FCHSD2: variants seen among roughly 807,000 people sequenced by gnomAD.
FCHSD2 encodes the protein FCH and double SH3 domains 2.
Under a neutral mutation model 108.1 loss-of-function variants are expected in FCHSD2, and 38 were observed. The observed-to-expected ratio is 0.35, with a 90% confidence interval of 0.27 to 0.46. The LOEUF is 0.46. Ranked by LOEUF, FCHSD2 falls within the 20% of genes least tolerant of loss-of-function variation. The probability of loss-of-function intolerance (pLI) is 1.00; values close to 1 mark genes in which losing one functional copy is unlikely to be tolerated. For synonymous variants in FCHSD2, 279 were observed against 314.7 expected (o/e 0.89, Z 1.20); for missense variants, 751 against 897.8 (o/e 0.84, Z 2.09).
intron 13 of FCHSD2, among the ~76,000 whole-genome samples, chr11:72,860,219 C>G (rs1013478647): frequency 6.6e-6 from 1 of 152,208 alleles, no homozygotes; most frequent in African/African-American, 2.4e-5. Context: ...TCCTAACAGG[C>G]CATGGACCGG....
intron 3 of FCHSD2, among the ~76,000 whole-genome samples, chr11:73,044,761 T>C (rs959291402): frequency 6.6e-6 from 1 of 152,184 alleles, no homozygotes; most frequent in African/African-American, 2.4e-5. Context: ...TAGCATGTTA[T>C]ATAAAAATCA....
At chr11:73,131,441 A>C (rs559400311) in intron 2 of FCHSD2, among the ~76,000 whole-genome samples, 5 of 152,170 alleles carry the variant, frequency 3.3e-5, no homozygotes, top group Admixed American at 1.3e-4. Context: ...AGGCAGGAGA[A>C]TGGCGTGAAA....
rs765459491 is a variant in FCHSD2 at position 72,840,966 on chromosome 11, G to C, written c.2057-7C>G. ...TCAGCATGAAGGCTTTTTTCTAAGG[G>C]AGAAAACCAAAGAAGCTCATTTTAC... On this transcript the variant is annotated splice_region_variant and splice_polypyrimidine_tract_variant and intron_variant, in intron 18 of 19. Transcript: ENST00000409418. The C allele has an allele frequency of 1.2e-6, 2 of 1,607,752 alleles. No homozygotes were observed. The highest frequency in any genetic ancestry group is 1.1e-5 in the South Asian group (1 of 90,892).
At chr11:72,901,872 TTTTGTTTG>T (rs570869962) in intron 10 of FCHSD2, among the ~76,000 whole-genome samples, 23 of 152,188 alleles carry the variant, frequency 1.5e-4, no homozygotes. Context: ...CTGGTTTTTT[TTTTGTTTG>T]TTTGTTTGTT....
chr11:72,982,772 G>A (rs187886815), intron 8 of FCHSD2, among the ~76,000 whole-genome samples: 136 of 152,232 alleles, frequency 8.9e-4, no homozygotes, highest in Admixed American at 2.4e-3. Flanking sequence ...TGTTTGTCCC[G>A]TACGCAGCTC....
At chr11:73,128,322 G>C (rs2135568149) in intron 2 of FCHSD2, among the ~76,000 whole-genome samples, 1 of 152,224 alleles carries the variant, frequency 6.6e-6, no homozygotes, top group South Asian at 2.1e-4. Flanking sequence ...GGAGTAAACT[G>C]GAAATGGGTC....
At chr11:72,925,184 G>A (rs1856052673) in intron 8 of FCHSD2, among the ~76,000 whole-genome samples, 1 of 152,134 alleles carries the variant, frequency 6.6e-6, no homozygotes, top group African/African-American at 2.4e-5. Flanking sequence ...GCAAGTGAGA[G>A]GGAGGAGAAA....
intron 13 of FCHSD2, among the ~76,000 whole-genome samples, chr11:72,864,562 C>T (rs945524050): frequency 1.3e-5 from 2 of 152,032 alleles, no homozygotes; most frequent in Non-Finnish European, 2.9e-5. Context: ...CAAAAATACA[C>T]ATTATGTTGT....
chr11:72,934,097 A>T (rs986463509), intron 8 of FCHSD2, among the ~76,000 whole-genome samples: 3 of 129,496 alleles, frequency 2.3e-5, no homozygotes, highest in Non-Finnish European at 4.8e-5. Flanking sequence ...CAACAGAGTA[A>T]GACACTGTCT....
intron 3 of FCHSD2, among the ~76,000 whole-genome samples, chr11:73,024,225 A>G (rs1437465461): frequency 6.6e-6 from 1 of 152,154 alleles, no homozygotes; most frequent in Non-Finnish European, 1.5e-5. Flanking sequence ...GACAAATCCA[A>G]TTGTATTACA....
At chr11:72,993,144 A>G (rs1379782207) in intron 5 of FCHSD2, among the ~76,000 whole-genome samples, 1 of 152,218 alleles carries the variant, frequency 6.6e-6, no homozygotes. Flanking sequence ...TGCAGCCAAC[A>G]GACACATGAA....
At chr11:73,132,903 T>C (rs2135573621) in intron 2 of FCHSD2, among the ~76,000 whole-genome samples, 1 of 151,650 alleles carries the variant, frequency 6.6e-6, no homozygotes, top group South Asian at 2.1e-4. Flanking sequence ...AAATCATATA[T>C]GTTATAAAGA....
chr11:73,084,843 C>A (rs977249183), intron 2 of FCHSD2, among the ~76,000 whole-genome samples: 1 of 152,012 alleles, frequency 6.6e-6, no homozygotes, highest in Admixed American at 6.6e-5. Flanking sequence ...TGTGGTACTA[C>A]TGACAATTTA....
intron 9 of FCHSD2, among the ~76,000 whole-genome samples, chr11:72,916,896 A>G (rs977997374): frequency 4.1e-4 from 62 of 151,676 alleles, no homozygotes; most frequent in African/African-American, 1.5e-3. Flanking sequence ...GTTTTCTCTT[A>G]TAAGTTAGGT....
At chr11:72,856,710 T>A (rs1244071201) in intron 13 of FCHSD2, among the ~76,000 whole-genome samples, 3 of 152,192 alleles carry the variant, frequency 2.0e-5, no homozygotes, top group Non-Finnish European at 2.9e-5. Context: ...GTCAGTTCGG[T>A]GGCAAAACAG....
intron 2 of FCHSD2, among the ~76,000 whole-genome samples, chr11:73,129,037 A>G (rs1790631306): frequency 6.6e-6 from 1 of 151,836 alleles, no homozygotes. Context: ...GTGCCTGGCT[A>G]ATTTTTTGTA....
In FCHSD2 at chr11:72,838,685, TGC is replaced by T; in HGVS notation, c.*104_*105del. Reference sequence around the variant, plus strand: ...GTCACACATAATCCTCCTTGTTTTTTGCTCTGTTCAAGAGTCATCATCATGCA... The same window carrying T: ...GTCACACATAATCCTCCTTGTTTTTTTCTGTTCAAGAGTCATCATCATGCA... On this transcript the variant is annotated 3_prime_UTR_variant, in exon 20 of 20. Transcript: ENST00000409418. 1.1e-6 allele frequency: 1 copy of T among 875,522 alleles called. No homozygotes were observed. The highest frequency in any genetic ancestry group is 1.8e-6 in the Non-Finnish European group (1 of 543,584). The allele number at this position is 875,522 out of a possible 1,614,324, so 54.2% of individuals were successfully genotyped here. A position where few individuals can be genotyped will look rare whatever the true frequency, so the allele number is the denominator to read the frequency against.
At chr11:72,842,864 A>G in intron 16 of FCHSD2, 23 bp from the exon 17 acceptor site, 1 of 1,587,486 alleles carries the variant, frequency 6.3e-7, no homozygotes, top group Non-Finnish European at 8.6e-7. Context: ...AGAAAAACAA[A>G]TCTGGTAAGA....
chr11:73,047,342 T>G (rs1858793521), intron 3 of FCHSD2, among the ~76,000 whole-genome samples: 2 of 152,200 alleles, frequency 1.3e-5, no homozygotes, highest in Non-Finnish European at 2.9e-5. Flanking sequence ...TCAGCTTCAC[T>G]GTTTTTACTG....
Sources: allele counts gnomAD v4.1 joint callset (sites outside exome capture counted in the v4.1 genomes callset), GRCh38; gene constraint gnomAD v4.1.1; transcripts MANE v1.5; gene names NCBI Gene and HGNC (gene_info 2026-07-23, HGNC 2026-07-21).